Variants in TRIM29 observed in about 807,000 individuals in gnomAD.
The protein encoded by TRIM29 is tripartite motif-containing protein 29.
A neutral mutation model predicts 57.3 loss-of-function variants in TRIM29; 52 were observed. The ratio of observed to expected loss-of-function variants is 0.91; its 90% CI spans 0.73 to 1.14. TRIM29 has a LOEUF of 1.14. TRIM29 is among the 50% of genes most tolerant of loss of function. The pLI is 0.00. For synonymous variants in TRIM29, 319 were observed against 316.9 expected, an observed-to-expected ratio of 1.01 and a Z score of -0.07; for missense variants, 753 against 774.6, an observed-to-expected ratio of 0.97 and a Z score of 0.33.
intron 6 of TRIM29, among the ~76,000 whole-genome samples, chr11:120,119,558 C>T (rs972836109): frequency 6.6e-6 from 1 of 152,224 alleles, no homozygotes; most frequent in Non-Finnish European, 1.5e-5. Flanking sequence ...TGACCCCCTC[C>T]TACTTTTGAG....
Position 120,118,119 on chromosome 11 carries a change from C to T in TRIM29, c.1627+104G>A, listed in dbSNP as rs1565313208. 4 of 1,064,312 alleles carry T rather than the reference C, an allele frequency of 3.8e-6. No individual in the cohort carries two copies. In the Admixed American group the frequency reaches 5.9e-5, roughly 16 times the overall value. 65.9% of individuals were successfully genotyped at this position (1,064,312 alleles called of 1,614,324 possible). A position where few individuals can be genotyped will look rare whatever the true frequency, so the allele number is the denominator to read the frequency against. On this transcript the variant is annotated intron_variant, in intron 7 of 8. Transcript: ENST00000341846. ...TCTCAGGCCAGGCCTCTCTCCTCCA[C>T]GAGGTGAGGGAGGAACTAGCAGCTC...
chr11:120,126,051 TA>T (rs1863583262), intron 3 of TRIM29, 162 bp from the exon 4 acceptor site: 1 of 697,052 alleles, frequency 1.4e-6, no homozygotes, highest in Non-Finnish European at 2.3e-6. Flanking sequence ...AAGGTTCAAC[TA>T]AAAGCCACTG....
intron 7 of TRIM29, chr11:120,117,085 G>C (rs1277771766): frequency 2.4e-6 from 1 of 413,684 alleles, no homozygotes; most frequent in South Asian, 1.8e-5. Flanking sequence ...GGCATTAGTG[G>C]CACAGCGCTG....
intron 5 of TRIM29, 117 bp downstream of exon 5, chr11:120,122,837 C>G: frequency 1.3e-6 from 1 of 764,462 alleles, no homozygotes; most frequent in Non-Finnish European, 2.2e-6. Context: ...CCCAGGCAAA[C>G]TGGACATGCC....
intron 6 of TRIM29, among the ~76,000 whole-genome samples, chr11:120,120,173 G>A (rs566957128): frequency 1.7e-5 from 2 of 118,468 alleles, no homozygotes; most frequent in African/African-American, 3.0e-5. Context: ...TCATACTTGT[G>A]GGGGGGGTGG....
chr11:120,124,878 G>A (rs898632777), intron 4 of TRIM29: 3 of 152,020 alleles, frequency 2.0e-5, no homozygotes, highest in African/African-American at 4.8e-5. Flanking sequence ...ATCATATGCT[G>A]TGTCTGGAGA....
At chr11:120,129,801 T>C (rs1863681348) in intron 1 of TRIM29, among the ~76,000 whole-genome samples, 1 of 152,110 alleles carries the variant, frequency 6.6e-6, no homozygotes, top group Non-Finnish European at 1.5e-5. Flanking sequence ...CAGAGAGTCC[T>C]TGAATCCCTG....
At chr11:120,119,664 G>A (rs377065524) in intron 6 of TRIM29, among the ~76,000 whole-genome samples, 3 of 152,182 alleles carry the variant, frequency 2.0e-5, no homozygotes, top group East Asian at 1.9e-4. Flanking sequence ...CGCTGATCAC[G>A]GCTGTGAATC....
intron 1 of TRIM29, among the ~76,000 whole-genome samples, chr11:120,136,367 T>C (rs1863812193): frequency 6.6e-6 from 1 of 152,202 alleles, no homozygotes; most frequent in African/African-American, 2.4e-5. Context: ...AAAGCCTATT[T>C]TGTAATAAAG....
intron 8 of TRIM29, 58 bp from the exon 9 acceptor site, chr11:120,112,534 GACCCACCCTACCCTA>G: frequency 6.3e-7 from 1 of 1,589,786 alleles, no homozygotes; most frequent in Admixed American, 1.7e-5. Flanking sequence ...CTGCTAGCTA[GACCCACCCTACCCTA>G]ACCTGCCTCA....
At chr11:120,129,977 T>A (rs904766445) in intron 1 of TRIM29, among the ~76,000 whole-genome samples, 1 of 152,152 alleles carries the variant, frequency 6.6e-6, no homozygotes, top group African/African-American at 2.4e-5. Context: ...GATGGAGATT[T>A]GGCCCCATCT....
intron 1 of TRIM29, chr11:120,128,799 A>C: frequency 1.3e-6 from 2 of 1,531,086 alleles, no homozygotes; most frequent in South Asian, 2.4e-5. Context: ...CAGCAAGAGC[A>C]GGAGGGAAAC....
chr11:120,127,655 C>A, intron 2 of TRIM29, 86 bp from the exon 3 acceptor site: 1 of 1,262,592 alleles, frequency 7.9e-7, no homozygotes. Flanking sequence ...TTTAGGTTTC[C>A]AGCACAGGAT....
In TRIM29 at chr11:120,127,394, T is replaced by G; in HGVS notation, c.1076A>C (p.Glu359Ala). 2 of 1,614,158 alleles carry G rather than the reference T, an allele frequency of 1.2e-6. No individual in the cohort carries two copies. The highest frequency in any genetic ancestry group is 2.2e-5 in the South Asian group (2 of 91,084). Residue 359 changes from glutamate to alanine, a missense_variant, in exon 3 of 9, where the codon GAG becomes GCG. By Grantham distance (107) the Glu-to-Ala change is moderately radical. Coordinates refer to ENST00000341846, the MANE Select transcript of TRIM29 (RefSeq NM_012101.4). ...ALDERAKVLHEDKQTREQLHS... is the reference protein window; with the variant it reads ...ALDERAKVLHADKQTREQLHS... ...CAGCTGCTCCCGGGTCTGCTTGTCCTCATGCAGCACCTTGGCTCTCTCATC... is the reference window on the plus strand; with the variant it reads ...CAGCTGCTCCCGGGTCTGCTTGTCCGCATGCAGCACCTTGGCTCTCTCATC...
chr11:120,120,516 C>A (rs1863411923), intron 6 of TRIM29, 57 bp downstream of exon 6: 2 of 1,528,380 alleles, frequency 1.3e-6, no homozygotes, highest in East Asian at 4.6e-5. Context: ...CTATGCCCCT[C>A]CTGCCTGCAC....
intron 1 of TRIM29, among the ~76,000 whole-genome samples, chr11:120,135,945 C>A (rs1210383644): frequency 6.6e-6 from 1 of 152,098 alleles, no homozygotes; most frequent in African/African-American, 2.4e-5. Context: ...GAGTGAGCCC[C>A]ACATCTGTGG....
rs267602726 is a variant in TRIM29, at chr11:120,137,406, C to T, written c.626G>A (p.Arg209Gln). The change falls in exon 1 of 9, where the codon CGA (arginine) becomes CAA (glutamine). Residue 209 changes from arginine to glutamine, a missense_variant. Arg to Gln is a conservative substitution (Grantham distance 43). Transcript: ENST00000341846. The surrounding 1 kb of genome is among the most constrained non-coding windows in gnomAD (Gnocchi z 6.2). The stretch of plus-strand genomic sequence containing the variant: ...GATGGGCTCGAGCAGCTGGTGGTCT[C>T]GGAAGGCGGCGCCCTCCAGGTGGGG... ...LKPHLEGAAF[R>Q]DHQLLEPIRD... is the part of the protein sequence containing the mutation. 8.1e-6 allele frequency: 13 copies of T among 1,611,020 alleles called. No individual in the cohort carries two copies. The highest frequency in any genetic ancestry group is 1.1e-5 in the Non-Finnish European group (13 of 1,180,002).
chr11:120,116,078 G>C (rs1272273094), intron 7 of TRIM29: 2 of 152,624 alleles, frequency 1.3e-5, no homozygotes, highest in African/African-American at 4.8e-5. Flanking sequence ...CCCTGGCTTT[G>C]TGGCCCCTCC....
chr11:120,115,234 G>T, intron 8 of TRIM29, 104 bp downstream of exon 8: 1 of 1,138,024 alleles, frequency 8.8e-7, no homozygotes, highest in Non-Finnish European at 1.3e-6. Flanking sequence ...CCATGGCCCA[G>T]AGAAGTCCTC....
Sources: allele counts gnomAD v4.1 joint callset (sites outside exome capture counted in the v4.1 genomes callset), GRCh38; gene constraint gnomAD v4.1.1; non-coding constraint Gnocchi (gnomAD v3.1); transcripts MANE v1.5; gene names NCBI Gene and HGNC (gene_info 2026-07-23, HGNC 2026-07-21).